The following GRB2 variants were observed in gnomAD, a reference collection of about 807,000 sequenced individuals.
GRB2 encodes the protein growth factor receptor bound protein 2.
A neutral mutation model predicts 27.4 loss-of-function variants in GRB2; 2 were observed. That is an observed-to-expected ratio of 0.07 (90% CI 0.03 to 0.23). GRB2 has a LOEUF of 0.23. Among genes scored for constraint, GRB2 ranks in the 10% least tolerant of loss-of-function variants. The probability of loss-of-function intolerance (pLI) is 1.00; values close to 1 mark genes in which losing one functional copy is unlikely to be tolerated. For synonymous variants in GRB2, 94 were observed against 99.6 expected, an observed-to-expected ratio of 0.94 and a Z score of 0.33; for missense variants, 102 against 282.4, an observed-to-expected ratio of 0.36 and a Z score of 4.58.
At chr17:75,330,941 G>A (rs954268886) in intron 3 of GRB2, among the ~76,000 whole-genome samples, 1 of 152,096 alleles carries the variant, frequency 6.6e-6, no homozygotes, top group African/African-American at 2.4e-5. Flanking sequence ...CTTGAATGCT[G>A]CATTAGCTGA....
At chr17:75,353,814 G>A (rs112295256) in intron 2 of GRB2, among the ~76,000 whole-genome samples, 11 of 151,812 alleles carry the variant, frequency 7.2e-5, no homozygotes, top group African/African-American at 1.7e-4. Context: ...CGAGGCAGGC[G>A]GATCATCTGA....
chr17:75,366,119 A>G (rs1403058986), intron 2 of GRB2, among the ~76,000 whole-genome samples: 3 of 152,134 alleles, frequency 2.0e-5, no homozygotes, highest in African/African-American at 4.8e-5. Context: ...TAGTGCATTC[A>G]TATAATGAAA....
At chr17:75,377,635 G>A (rs2078902789) in intron 2 of GRB2, among the ~76,000 whole-genome samples, 1 of 149,616 alleles carries the variant, frequency 6.7e-6, no homozygotes, top group Non-Finnish European at 1.5e-5. Context: ...GGCTGGGTGT[G>A]GTAGTTCACG....
intron 2 of GRB2, among the ~76,000 whole-genome samples, chr17:75,388,350 G>T (rs997265020): frequency 2.0e-5 from 3 of 152,098 alleles, no homozygotes; most frequent in Admixed American, 2.0e-4. Flanking sequence ...TGATCCATGC[G>T]CCTCGGCCTC....
rs549466025 is a variant in GRB2, at chr17:75,334,392, C to T, written c.79-1595G>A. Among the ~76,000 whole-genome samples, 16 of 152,094 alleles carry T rather than the reference C, an allele frequency of 1.1e-4. No individual in the cohort carries two copies. In the South Asian group the frequency reaches 3.3e-3, roughly 32 times the overall value. On this transcript the variant is annotated intron_variant, in intron 2 of 5. Transcript: ENST00000316804. ...TTCACCATGTTAGCCAGGATGGTCT[C>T]GATCTCCTGACCTTGTGATCCACCC...
At chr17:75,326,822 T>C (rs2078501447) in intron 3 of GRB2, among the ~76,000 whole-genome samples, 1 of 152,208 alleles carries the variant, frequency 6.6e-6, no homozygotes, top group African/African-American at 2.4e-5. Context: ...GGAACACTTC[T>C]ACAAGAGCTT....
intron 2 of GRB2, chr17:75,372,515 G>C (rs78380753): frequency 1.3e-5 from 2 of 152,314 alleles, no homozygotes; most frequent in East Asian, 3.9e-4. Context: ...GGGAAGACAC[G>C]ATTTCCTAGC....
At chr17:75,360,477 A>G (rs2078772674) in intron 2 of GRB2, among the ~76,000 whole-genome samples, 1 of 152,248 alleles carries the variant, frequency 6.6e-6, no homozygotes, top group Admixed American at 6.5e-5. Context: ...CAAGGTAATT[A>G]TCTGATTTTA....
chr17:75,382,865 C>G (rs547519750), intron 2 of GRB2, among the ~76,000 whole-genome samples: 2 of 152,012 alleles, frequency 1.3e-5, no homozygotes, highest in African/African-American at 4.8e-5. Flanking sequence ...CCTGCCACCA[C>G]GCCCAGCTAA....
At chr17:75,363,993 C>T (rs1041958614) in intron 2 of GRB2, among the ~76,000 whole-genome samples, 1 of 151,796 alleles carries the variant, frequency 6.6e-6, no homozygotes, top group Non-Finnish European at 1.5e-5. Context: ...TCATTGCTGC[C>T]TGTATTCTAT....
At chr17:75,374,605 TCACACACACA>T (rs112792873) in intron 2 of GRB2, among the ~76,000 whole-genome samples, 2 of 146,974 alleles carry the variant, frequency 1.4e-5, no homozygotes, top group Admixed American at 6.8e-5. Context: ...ATGCCTGTAG[TCACACACACA>T]CACACACACA....
At position 75,356,105 on chromosome 17, in the gene GRB2, A is replaced by G. The variant is rs559230791; in HGVS notation, c.79-23308T>C. Among the ~76,000 whole-genome samples the G allele has an allele frequency of 3.7e-4, 56 of 152,164 alleles. 1 individual carries two copies. Among genetic ancestry groups the G allele is most frequent in the African/African-American group, 1.3e-3 (52 of 41,518 alleles). On this transcript the variant is annotated intron_variant, in intron 2 of 5. Coordinates refer to ENST00000316804, the MANE Select transcript of GRB2 (RefSeq NM_002086.5). ...CGCCTTGGCCTCCCAAAGTGCTAAGATTACAGGCATGAGCCACCGCACCTG... is the reference window on the plus strand; with the variant it reads ...CGCCTTGGCCTCCCAAAGTGCTAAGGTTACAGGCATGAGCCACCGCACCTG...
At chr17:75,383,471 T>C (rs1351103246) in intron 2 of GRB2, among the ~76,000 whole-genome samples, 1 of 152,164 alleles carries the variant, frequency 6.6e-6, no homozygotes, top group African/African-American at 2.4e-5. Context: ...TCACCTCTTA[T>C]CAATGCTGTG....
chr17:75,366,921 C>T (rs1046633364), intron 2 of GRB2, among the ~76,000 whole-genome samples: 4 of 151,946 alleles, frequency 2.6e-5, no homozygotes, highest in Non-Finnish European at 4.4e-5. Flanking sequence ...GCTTAAGGTT[C>T]CCAGGTAAAA....
intron 1 of GRB2, chr17:75,394,992 T>C (rs2079021186): frequency 6.6e-6 from 1 of 152,232 alleles, no homozygotes; most frequent in African/African-American, 2.4e-5. Context: ...GTTTTCATAC[T>C]TGCTAAACAA....
At chr17:75,339,206 T>C in intron 2 of GRB2, 1 of 921,820 alleles carries the variant, frequency 1.1e-6, no homozygotes. Context: ...TTTTTTTTTT[T>C]TTTTTGAGAC....
At chr17:75,403,419 C>A (rs960338328) in intron 1 of GRB2, among the ~76,000 whole-genome samples, 24 of 152,142 alleles carry the variant, frequency 1.6e-4, no homozygotes, top group African/African-American at 5.5e-4. Context: ...GTATTTAAAA[C>A]CCAGCAAGCC....
At chr17:75,378,510 G>A (rs534082548) in intron 2 of GRB2, among the ~76,000 whole-genome samples, 1 of 152,280 alleles carries the variant, frequency 6.6e-6, no homozygotes, top group South Asian at 2.1e-4. Flanking sequence ...TATCTAACAG[G>A]GAAGGGATGA....
intron 2 of GRB2, among the ~76,000 whole-genome samples, chr17:75,335,750 T>C (rs2078572793): frequency 6.6e-6 from 1 of 152,128 alleles, no homozygotes. Flanking sequence ...GTATTCAAAG[T>C]TTCCAAGAGT....
Sources: gnomAD v4.1 joint callset for allele counts (sites outside exome capture counted in the v4.1 genomes callset) on GRCh38, gnomAD v4.1.1 for gene constraint, MANE v1.5 for transcripts, NCBI Gene and HGNC (gene_info 2026-07-23, HGNC 2026-07-21) for gene names.